RFFL: variants seen among roughly 807,000 people sequenced by gnomAD.
RFFL encodes the protein ring finger and FYVE like domain containing E3 ubiquitin protein ligase.
Under a neutral mutation model 40.4 loss-of-function variants are expected in RFFL, and 16 were observed. The ratio of observed to expected loss-of-function variants is 0.40; its 90% CI spans 0.27 to 0.60. The LOEUF (loss-of-function observed/expected upper bound fraction) is 0.60, where lower values mean the gene tolerates loss of function less well. RFFL is among the 20% of genes least tolerant of loss of function. The pLI, the probability that RFFL is intolerant of heterozygous loss-of-function variation, is 0.47. For missense variants in RFFL, 367 were observed against 451.7 expected, an observed-to-expected ratio of 0.81 and a Z score of 1.70; for synonymous variants, 154 against 167.9, an observed-to-expected ratio of 0.92 and a Z score of 0.64.
intron 1 of RFFL, among the ~76,000 whole-genome samples, chr17:35,083,347 A>G (rs1017725726): frequency 3.9e-5 from 6 of 152,362 alleles, no homozygotes; most frequent in African/African-American, 1.2e-4. Flanking sequence ...AAAAGTTATA[A>G]AAGCTCTTTG....
In RFFL at chr17:35,006,455, ATGGGTG is replaced by A; in HGVS notation, c.*5507_*5512del. ...CTAAGCCTCAATCCCTCCAAGTAGA[ATGGGTG>A]CACCTAAATCATAGGGTTGTCCTGT... is the stretch of plus-strand genomic sequence containing the variant. On this transcript the variant is annotated 3_prime_UTR_variant, in exon 7 of 7. Transcript: ENST00000394597. The A allele has an allele frequency of 6.6e-6, 1 of 152,422 alleles. No individual in the cohort carries two copies. The highest frequency in any genetic ancestry group is 2.4e-5 in the African/African-American group (1 of 41,578). The allele number at this position is 152,422 out of a possible 1,614,324, so 9.4% of individuals were successfully genotyped here.
At chr17:35,062,537 T>C (rs2091298054) in intron 1 of RFFL, among the ~76,000 whole-genome samples, 1 of 152,212 alleles carries the variant, frequency 6.6e-6, no homozygotes, top group African/African-American at 2.4e-5. Context: ...CAGACCCTGA[T>C]TCTCAATACA....
At chr17:35,022,861 C>A (rs925740546) in intron 2 of RFFL, among the ~76,000 whole-genome samples, 1 of 152,242 alleles carries the variant, frequency 6.6e-6, no homozygotes, top group African/African-American at 2.4e-5. Flanking sequence ...TTCCTGAAAG[C>A]ACAGAGTGTC....
chr17:35,075,379 T>A (rs1398981484), intron 1 of RFFL, among the ~76,000 whole-genome samples: 1 of 152,244 alleles, frequency 6.6e-6, no homozygotes, highest in Non-Finnish European at 1.5e-5. Context: ...ATTCAGGGAA[T>A]GACCATCGAC....
intron 1 of RFFL, among the ~76,000 whole-genome samples, chr17:35,031,099 T>C (rs2091079958): frequency 6.6e-6 from 1 of 152,030 alleles, no homozygotes; most frequent in African/African-American, 2.4e-5. Flanking sequence ...AGGACAAGGT[T>C]GTAGGCAATT....
chr17:35,016,958 A>C (rs1048767132), intron 4 of RFFL, among the ~76,000 whole-genome samples: 1 of 152,132 alleles, frequency 6.6e-6, no homozygotes, highest in African/African-American at 2.4e-5. Context: ...TTGCCCCTCC[A>C]TTAAGGGGAG....
rs547854725 is a variant in RFFL at position 35,013,550 on chromosome 17, T to C, written c.910+1190A>G. ...GAGGAATTCTCCCTTATTGCATCTA[T>C]ACTTTCTCTTTTCTGGACTATTAAA... is the stretch of plus-strand genomic sequence containing the variant. On this transcript the variant is annotated intron_variant, in intron 6 of 6. Coordinates refer to ENST00000394597, the MANE Select transcript of RFFL (RefSeq NM_001017368.2). 4.0e-4 allele frequency among the ~76,000 whole-genome samples: 61 copies of C among 152,336 alleles called. 1 individual carries two copies. The South Asian group carries it at 8.9e-3, about 22-fold the overall frequency.
intron 2 of RFFL, among the ~76,000 whole-genome samples, 173 bp downstream of exon 2, chr17:35,026,200 TG>T (rs2091039435): frequency 1.3e-5 from 2 of 152,268 alleles, no homozygotes; most frequent in Admixed American, 1.3e-4. Context: ...TGACATGCTT[TG>T]CTTTTGCTTT....
intron 1 of RFFL, among the ~76,000 whole-genome samples, chr17:35,037,999 C>G (rs919393389): frequency 2.0e-5 from 3 of 151,848 alleles, no homozygotes; most frequent in Non-Finnish European, 4.4e-5. Context: ...TAAAGAGCAA[C>G]TGGAGCAGAC....
intron 1 of RFFL, among the ~76,000 whole-genome samples, chr17:35,072,627 A>G (rs550161802): frequency 6.6e-6 from 1 of 152,162 alleles, no homozygotes; most frequent in South Asian, 2.1e-4. Context: ...CCTGGTGTTG[A>G]TATTGTACTA....
At chr17:35,035,029 C>G (rs928184652) in intron 1 of RFFL, among the ~76,000 whole-genome samples, 5 of 152,176 alleles carry the variant, frequency 3.3e-5, no homozygotes, top group Admixed American at 2.0e-4. Flanking sequence ...TTTTTATTCT[C>G]TTAACTTTGG....
At chr17:35,066,395 G>A (rs908277391), upstream of RFFL, among the ~76,000 whole-genome samples, 15 of 152,166 alleles carry the variant, frequency 9.9e-5, no homozygotes, top group African/African-American at 3.6e-4. Flanking sequence ...GGATTCTGTA[G>A]TCTTCCAAAT....
chr17:35,072,503 G>C (rs1258968920), intron 1 of RFFL, among the ~76,000 whole-genome samples: 1 of 151,898 alleles, frequency 6.6e-6, no homozygotes, highest in Non-Finnish European at 1.5e-5. Flanking sequence ...GTAGCACAAG[G>C]GGGATCTTTG....
chr17:35,050,017 G>A (rs953114274), intron 1 of RFFL, among the ~76,000 whole-genome samples: 1 of 151,860 alleles, frequency 6.6e-6, no homozygotes, highest in Non-Finnish European at 1.5e-5. Context: ...TGGAGGCAGA[G>A]GTTGCAGAGA....
At chr17:35,018,138 TGGGAC>T (rs2090985947) in intron 3 of RFFL, among the ~76,000 whole-genome samples, 2 of 152,192 alleles carry the variant, frequency 1.3e-5, no homozygotes, top group Admixed American at 6.5e-5. Context: ...CTGACACTGA[TGGGAC>T]AAAGTTTCCA....
intron 1 of RFFL, among the ~76,000 whole-genome samples, chr17:35,062,198 A>G (rs1483606031): frequency 6.6e-6 from 1 of 151,888 alleles, no homozygotes; most frequent in Non-Finnish European, 1.5e-5. Context: ...AGGTCAAGAG[A>G]TCGAGACCAT....
At chr17:35,054,950 C>A (rs1242243123) in intron 1 of RFFL, among the ~76,000 whole-genome samples, 1 of 149,104 alleles carries the variant, frequency 6.7e-6, no homozygotes, top group African/African-American at 2.5e-5. Context: ...TTGAGTCTTG[C>A]TTTGTTGCCC....
intron 1 of RFFL, among the ~76,000 whole-genome samples, chr17:35,044,286 C>T (rs1046689993): frequency 6.6e-6 from 1 of 152,176 alleles, no homozygotes; most frequent in African/African-American, 2.4e-5. Flanking sequence ...CTATGTTACC[C>T]AGACTGGTCT....
intron 1 of RFFL, among the ~76,000 whole-genome samples, chr17:35,043,770 T>C (rs1398224651): frequency 1.3e-5 from 2 of 152,222 alleles, no homozygotes; most frequent in African/African-American, 4.8e-5. Context: ...TCTGTTGTCT[T>C]ATTTAACACA....
Sources: gnomAD v4.1 joint callset for allele counts (sites outside exome capture counted in the v4.1 genomes callset) on GRCh38, gnomAD v4.1.1 for gene constraint, MANE v1.5 for transcripts, NCBI Gene and HGNC (gene_info 2026-07-23, HGNC 2026-07-21) for gene names.